Variants in KCNH8 observed in about 807,000 individuals in gnomAD.
The protein encoded by KCNH8 is potassium voltage-gated channel subfamily H member 8, also known as voltage-gated delayed rectifier potassium channel KCNH8.
In KCNH8, 70 loss-of-function variants were observed where a neutral mutation model predicts 103.6. That is an observed-to-expected ratio of 0.68 (90% CI 0.56 to 0.82). KCNH8 has a LOEUF of 0.82. Ranked by LOEUF, KCNH8 falls within the 40% of genes least tolerant of loss-of-function variation. The pLI is 0.00. For synonymous variants in KCNH8, 498 were observed against 489.4 expected (o/e 1.02, Z -0.23); for missense variants, 1,217 against 1,329.9 (o/e 0.92, Z 1.32).
At chr3:19,489,390 C>T (rs2068273807) in intron 11 of KCNH8, among the ~76,000 whole-genome samples, 2 of 152,082 alleles carry the variant, frequency 1.3e-5, no homozygotes, top group Non-Finnish European at 2.9e-5. Context: ...GTCCTCTTAA[C>T]CACTGTGAGG....
At chr3:19,424,565 A>C (rs2066998950) in intron 7 of KCNH8, among the ~76,000 whole-genome samples, 2 of 152,156 alleles carry the variant, frequency 1.3e-5, no homozygotes, top group African/African-American at 4.8e-5. Flanking sequence ...AGAGTTCATG[A>C]CCAAGAACTC....
intron 6 of KCNH8, 24 bp downstream of exon 6, chr3:19,390,662 A>G (rs2066423948): frequency 1.9e-6 from 3 of 1,598,902 alleles, no homozygotes; most frequent in Middle Eastern, 1.7e-4. Flanking sequence ...TCCCCGCCAC[A>G]TGGCCTTTAA....
intron 3 of KCNH8, among the ~76,000 whole-genome samples, chr3:19,317,113 T>G (rs947017135): frequency 6.6e-6 from 1 of 151,922 alleles, no homozygotes; most frequent in Admixed American, 6.6e-5. Context: ...CTTTAACTTC[T>G]ATAAGCAAAA....
At chr3:19,492,806 G>A (rs76734458) in intron 11 of KCNH8, among the ~76,000 whole-genome samples, 1 of 148,612 alleles carries the variant, frequency 6.7e-6, no homozygotes, top group East Asian at 2.0e-4. Flanking sequence ...GATTCTTCTA[G>A]TCCTTGAGCA....
intron 2 of KCNH8, among the ~76,000 whole-genome samples, chr3:19,275,917 C>T (rs1309764313): frequency 6.6e-6 from 1 of 152,006 alleles, no homozygotes; most frequent in Non-Finnish European, 1.5e-5. Flanking sequence ...AGGTTGTTGG[C>T]AGTAGCATGG....
intron 3 of KCNH8, among the ~76,000 whole-genome samples, chr3:19,319,763 G>T (rs2065324892): frequency 6.6e-6 from 1 of 151,988 alleles, no homozygotes; most frequent in Non-Finnish European, 1.5e-5. Flanking sequence ...TGACAGTATG[G>T]TCATTTTCAC....
intron 11 of KCNH8, among the ~76,000 whole-genome samples, chr3:19,474,800 A>C (rs925784870): frequency 2.6e-5 from 4 of 152,218 alleles, no homozygotes; most frequent in Admixed American, 6.5e-5. Context: ...CAGCATTCAT[A>C]AACAGTCCCG....
intron 1 of KCNH8, among the ~76,000 whole-genome samples, chr3:19,241,723 GACAC>G (rs71055059): frequency 0.31 from 45,452 of 147,632 alleles, 8,825 homozygotes; most frequent in Non-Finnish European, 0.45. Context: ...TACACACACA[GACAC>G]ACACACACAC....
At chr3:19,274,100 C>T (rs933948335) in intron 2 of KCNH8, among the ~76,000 whole-genome samples, 1 of 152,018 alleles carries the variant, frequency 6.6e-6, no homozygotes, top group Non-Finnish European at 1.5e-5. Context: ...GAGGATCATT[C>T]CCAGAATATT....
At chr3:19,393,927 C>G (rs1032067831) in intron 6 of KCNH8, among the ~76,000 whole-genome samples, 6 of 152,048 alleles carry the variant, frequency 3.9e-5, no homozygotes, top group African/African-American at 1.2e-4. Flanking sequence ...TTCATTCACT[C>G]ATCTAATAAA....
At chr3:19,385,810 C>T (rs2066348701) in intron 5 of KCNH8, among the ~76,000 whole-genome samples, 1 of 152,084 alleles carries the variant, frequency 6.6e-6, no homozygotes, top group Admixed American at 6.6e-5. Context: ...AACAGAGTAT[C>T]TTTAAATATT....
intron 3 of KCNH8, among the ~76,000 whole-genome samples, chr3:19,334,936 A>G (rs2125312486): frequency 6.6e-6 from 1 of 152,136 alleles, no homozygotes; most frequent in Non-Finnish European, 1.5e-5. Flanking sequence ...AAAAATTTGG[A>G]AGGAAATGCA....
At chr3:19,405,551 A>G (rs1303350646) in intron 7 of KCNH8, among the ~76,000 whole-genome samples, 1 of 151,940 alleles carries the variant, frequency 6.6e-6, no homozygotes, top group Non-Finnish European at 1.5e-5. Flanking sequence ...TTTTGCTGAA[A>G]AGATGTTTTA....
chr3:19,470,300 AG>A (rs1429031070), intron 11 of KCNH8, among the ~76,000 whole-genome samples: 2 of 152,134 alleles, frequency 1.3e-5, no homozygotes, highest in African/African-American at 2.4e-5. Flanking sequence ...GCTGGATCTC[AG>A]GAACTCTTAC....
intron 2 of KCNH8, among the ~76,000 whole-genome samples, chr3:19,258,935 CTCTCTCTCTCTCTATATATA>C (rs1348444509): frequency 3.8e-4 from 32 of 83,438 alleles, no homozygotes; most frequent in African/African-American, 1.3e-3. Flanking sequence ...CTCTCTCTCT[CTCTCTCTCTCTCTATATATA>C]TATATATATA....
At chr3:19,256,470 C>T (rs2064347595) in intron 2 of KCNH8, among the ~76,000 whole-genome samples, 1 of 152,064 alleles carries the variant, frequency 6.6e-6, no homozygotes, top group South Asian at 2.1e-4. Flanking sequence ...CAGGATGTTG[C>T]TGAGAATGCA....
chr3:19,378,945 C>T (rs1379775688), intron 5 of KCNH8, among the ~76,000 whole-genome samples: 2 of 152,108 alleles, frequency 1.3e-5, no homozygotes, highest in East Asian at 3.8e-4. Flanking sequence ...ATCACAGACA[C>T]CAAGACAGTT....
At chr3:19,495,955 G>C (rs1292397714) in intron 11 of KCNH8, among the ~76,000 whole-genome samples, 1 of 151,872 alleles carries the variant, frequency 6.6e-6, no homozygotes. Flanking sequence ...TACCCTTTTT[G>C]TGGCAATTGC....
At chr3:19,403,112 A>G (rs747203802) in intron 7 of KCNH8, among the ~76,000 whole-genome samples, 9 of 151,702 alleles carry the variant, frequency 5.9e-5, no homozygotes, top group Non-Finnish European at 1.2e-4. Flanking sequence ...AATTATTAAT[A>G]TAAGTTTTAT....
Sources: allele counts gnomAD v4.1 joint callset (sites outside exome capture counted in the v4.1 genomes callset), GRCh38; gene constraint gnomAD v4.1.1; transcripts MANE v1.5; gene names NCBI Gene and HGNC (gene_info 2026-07-23, HGNC 2026-07-21).